The following CENPP variants were observed in gnomAD, a reference collection of about 807,000 sequenced individuals.
CENPP encodes the protein centromere protein P.
CENPP carries 24 observed loss-of-function variants against 35.6 expected under a neutral mutation model. The observed-to-expected ratio is 0.67, with a 90% CI of 0.49 to 0.95. CENPP has a LOEUF of 0.95. CENPP is among the 40% of genes least tolerant of loss of function. The pLI, the probability that CENPP is intolerant of heterozygous loss-of-function variation, is 0.00. For missense variants in CENPP, 332 were observed against 345.3 expected, an observed-to-expected ratio of 0.96 and a Z score of 0.31; for synonymous variants, 120 against 125.5, an observed-to-expected ratio of 0.96 and a Z score of 0.29.
At chr9:92,569,115 T>C (rs1850070026) in intron 5 of CENPP, among the ~76,000 whole-genome samples, 1 of 152,238 alleles carries the variant, frequency 6.6e-6, no homozygotes, top group Admixed American at 6.5e-5. Flanking sequence ...TTGGCTTTTG[T>C]TGCCATTGCT....
chr9:92,357,446 T>C (rs1274344624), intron 4 of CENPP, among the ~76,000 whole-genome samples: 1 of 149,858 alleles, frequency 6.7e-6, no homozygotes, highest in Non-Finnish European at 1.5e-5. Flanking sequence ...GCCACATCCC[T>C]TTGATCATCT....
chr9:92,331,120 G>T (rs148008025), intron 1 of CENPP, among the ~76,000 whole-genome samples: 549 of 152,282 alleles, frequency 3.6e-3, no homozygotes, highest in Non-Finnish European at 6.2e-3. Flanking sequence ...ACTATAAAAC[G>T]TTCTGTGGTG....
At chr9:92,545,369 G>A (rs1157677170) in intron 5 of CENPP, among the ~76,000 whole-genome samples, 32 of 152,232 alleles carry the variant, frequency 2.1e-4, no homozygotes, top group Admixed American at 2.0e-3. Context: ...ACTGGGAGCG[G>A]GCAGTGAGGG....
At chr9:92,459,606 T>C (rs1249865381) in intron 5 of CENPP, 1 of 1,607,934 alleles carries the variant, frequency 6.2e-7, no homozygotes, top group Non-Finnish European at 8.5e-7. Context: ...TACCAATATC[T>C]ACTGAACACA....
At chr9:92,410,426 G>A (rs1477882111) in intron 5 of CENPP, among the ~76,000 whole-genome samples, 1 of 152,156 alleles carries the variant, frequency 6.6e-6, no homozygotes, top group Non-Finnish European at 1.5e-5. Flanking sequence ...ATAAACAGGA[G>A]GAGGTTGACC....
At chr9:92,417,237 C>T in intron 5 of CENPP, 1 of 1,613,932 alleles carries the variant, frequency 6.2e-7, no homozygotes, top group Non-Finnish European at 8.5e-7. Flanking sequence ...AATGAATTTG[C>T]AGTCACAGCC....
intron 4 of CENPP, among the ~76,000 whole-genome samples, chr9:92,351,829 T>G (rs1204742818): frequency 6.6e-6 from 1 of 151,704 alleles, no homozygotes; most frequent in East Asian, 2.0e-4. Flanking sequence ...TTTGCCATAT[T>G]GGCCAGGCTG....
chr9:92,372,099 C>CTTTTTTTTTTT (rs71362382), intron 4 of CENPP, among the ~76,000 whole-genome samples: 16 of 30,686 alleles, frequency 5.2e-4, no homozygotes, highest in East Asian at 1.6e-3. Flanking sequence ...TGCCAGCCAT[C>CTTTTTTTTTTT]TTTTTTTTTT....
chr9:92,326,245 ATGGCCTAGAGT>A, intron 1 of CENPP, 140 bp downstream of exon 1: 2 of 628,340 alleles, frequency 3.2e-6, no homozygotes, highest in South Asian at 4.1e-5. Flanking sequence ...TGTCATGACG[ATGGCCTAGAGT>A]TGGGAGCAGC....
At chr9:92,388,410 C>T (rs147190248) in intron 5 of CENPP, among the ~76,000 whole-genome samples, 3,406 of 152,156 alleles carry the variant, frequency 0.022, 55 homozygotes, top group South Asian at 0.071. Flanking sequence ...GATCCGCCTG[C>T]CTCATCCTCC....
chr9:92,500,620 C>T (rs1846613312), intron 5 of CENPP: 2 of 1,157,192 alleles, frequency 1.7e-6, no homozygotes, highest in African/African-American at 1.6e-5. Flanking sequence ...CCCTTAGCAC[C>T]ATTTTTTTTT....
intron 5 of CENPP, among the ~76,000 whole-genome samples, chr9:92,429,399 G>A (rs972671780): frequency 6.6e-6 from 1 of 152,192 alleles, no homozygotes; most frequent in African/African-American, 2.4e-5. Context: ...AAGACAATCA[G>A]TGAATACTTG....
intron 3 of CENPP, among the ~76,000 whole-genome samples, chr9:92,344,917 C>G (rs895212666): frequency 6.7e-6 from 1 of 150,078 alleles, no homozygotes; most frequent in Non-Finnish European, 1.5e-5. Flanking sequence ...GCCTGTAATC[C>G]CAGCACTTCA....
intron 5 of CENPP, among the ~76,000 whole-genome samples, chr9:92,568,209 A>G (rs1205935846): frequency 1.3e-5 from 2 of 152,214 alleles, no homozygotes; most frequent in Non-Finnish European, 2.9e-5. Context: ...TACATTAGGT[A>G]TATCTCCTAA....
intron 5 of CENPP, chr9:92,456,338 A>C (rs1844877458): frequency 6.6e-6 from 1 of 152,260 alleles, no homozygotes; most frequent in Non-Finnish European, 1.5e-5. Context: ...GTTTAATTTG[A>C]TGCTCTGCTT....
At chr9:92,458,630 T>C (rs1288761825) in intron 5 of CENPP, among the ~76,000 whole-genome samples, 2 of 152,206 alleles carry the variant, frequency 1.3e-5, no homozygotes, top group East Asian at 3.9e-4. Flanking sequence ...ATAATTCTAT[T>C]CATTTAATTA....
chr9:92,421,108 A>G (rs770992111), intron 5 of CENPP, among the ~76,000 whole-genome samples: 1 of 151,910 alleles, frequency 6.6e-6, no homozygotes, highest in African/African-American at 2.4e-5. Flanking sequence ...GCAGTGGTGC[A>G]CTCTTGGCTC....
chr9:92,393,018 A>C (rs1588089764), intron 5 of CENPP: 1 of 1,309,528 alleles, frequency 7.6e-7, no homozygotes, highest in East Asian at 2.4e-5. Context: ...ACTATATAGA[A>C]ACTTGTGTTT....
intron 5 of CENPP, among the ~76,000 whole-genome samples, chr9:92,565,713 C>T (rs1849952044): frequency 1.3e-5 from 2 of 152,112 alleles, no homozygotes; most frequent in South Asian, 4.1e-4. Flanking sequence ...TTATCTTTCC[C>T]CTTTTGGGAG....
Sources: gnomAD v4.1 joint callset for allele counts (sites outside exome capture counted in the v4.1 genomes callset) on GRCh38, gnomAD v4.1.1 for gene constraint, MANE v1.5 for transcripts, NCBI Gene and HGNC (gene_info 2026-07-23, HGNC 2026-07-21) for gene names.